FDFT1: variants seen among roughly 807,000 people sequenced by gnomAD.
The protein encoded by FDFT1 is squalene synthase.
FDFT1 carries 68 observed loss-of-function variants against 46.8 expected under a neutral mutation model. That is an observed-to-expected ratio of 1.45 (90% CI 1.19 to 1.78). FDFT1 has a LOEUF of 1.78. FDFT1 is among the 40% of genes most tolerant of loss of function. The pLI, the probability that FDFT1 is intolerant of heterozygous loss-of-function variation, is 0.00. For missense variants in FDFT1, 928 were observed against 524.4 expected, an observed-to-expected ratio of 1.77 and a Z score of -7.52; for synonymous variants, 351 against 185.1, an observed-to-expected ratio of 1.90 and a Z score of -7.28.
chr8:11,818,724 G>A (rs1242128709), intron 3 of FDFT1, among the ~76,000 whole-genome samples: 1 of 151,684 alleles, frequency 6.6e-6, no homozygotes, highest in Non-Finnish European at 1.5e-5. Context: ...TCCTCCAGCT[G>A]TTTATTTTGA....
At chr8:11,797,574 C>A (rs1284669546), upstream of FDFT1, among the ~76,000 whole-genome samples, 1 of 129,832 alleles carries the variant, frequency 7.7e-6, no homozygotes, top group African/African-American at 2.9e-5. Context: ...TGGGAAGATC[C>A]TTAATCCTAG....
In FDFT1 at chr8:11,827,477, C is replaced by A. The variant is rs543086026; in HGVS notation, c.702+1262C>A. ...AGGTTGGATTGAGTTGTAATCACAC[C>A]ACTGCACTCCAGCCTCGGTGGCAGA... On this transcript the variant is annotated intron_variant, in intron 5 of 7. Coordinates refer to ENST00000220584, the MANE Select transcript of FDFT1 (RefSeq NM_004462.5). Among the ~76,000 whole-genome samples the A allele has an allele frequency of 2.2e-3, 327 of 151,036 alleles. 3 individuals are homozygous for A. Among genetic ancestry groups the A allele is most frequent in the African/African-American group, 7.7e-3 (316 of 40,878 alleles).
At chr8:11,826,984 C>G (rs572139077) in intron 5 of FDFT1, among the ~76,000 whole-genome samples, 109 of 152,284 alleles carry the variant, frequency 7.2e-4, no homozygotes, top group Non-Finnish European at 3.8e-4. Flanking sequence ...GGCAGGTAGA[C>G]AAAAACTCCA....
intron 3 of FDFT1, among the ~76,000 whole-genome samples, chr8:11,813,827 T>C (rs1467897306): frequency 1.3e-5 from 2 of 152,166 alleles, no homozygotes; most frequent in Non-Finnish European, 2.9e-5. Context: ...CCTGGCTCAA[T>C]TCACATGTCA....
intron 5 of FDFT1, among the ~76,000 whole-genome samples, chr8:11,828,945 T>C (rs1034773095): frequency 1.2e-4 from 18 of 152,246 alleles, no homozygotes; most frequent in East Asian, 3.8e-4. Flanking sequence ...TTTTTGGCTA[T>C]GGTGAATAGT....
chr8:11,818,331 T>C (rs996794310), intron 3 of FDFT1, among the ~76,000 whole-genome samples: 2 of 152,224 alleles, frequency 1.3e-5, no homozygotes, highest in Admixed American at 6.5e-5. Context: ...GAAGAATGTA[T>C]ATTCTGTTGA....
rs749812596 is a variant in FDFT1 at position 11,830,306 on chromosome 8, C to T, written c.765C>T (p.Ala255=). Residue 255 remains alanine (A), a synonymous_variant, in exon 6 of 8, where the codon GCC becomes GCT. Transcript: ENST00000220584. ...CTAAGCCGGAGAATATTGACTTGGC[C>T]GTGCAGTGCCTGAATGAACTTATAA... The part of the protein sequence containing the change: ...DFAKPENIDL[A]VQCLNELITN... 27 of 1,613,608 alleles carry T rather than the reference C, an allele frequency of 1.7e-5. No individual in the cohort carries two copies. The highest frequency in any genetic ancestry group is 4.0e-5 in the African/African-American group (3 of 74,980).
chr8:11,823,851 C>G (rs1004264077), intron 4 of FDFT1, among the ~76,000 whole-genome samples: 1 of 152,162 alleles, frequency 6.6e-6, no homozygotes, highest in African/African-American at 2.4e-5. Flanking sequence ...TCAAGCAGTC[C>G]TCTCACCTCA....
chr8:11,802,661 G>T (rs892802256), upstream of FDFT1: 3 of 614,106 alleles, frequency 4.9e-6, no homozygotes, highest in Non-Finnish European at 8.6e-6. Context: ...CCCCGCTGGC[G>T]GCCGAGGCCG....
intron 7 of FDFT1, among the ~76,000 whole-genome samples, chr8:11,833,720 A>ATG (rs1380584050): frequency 1.3e-5 from 2 of 152,210 alleles, no homozygotes; most frequent in African/African-American, 4.8e-5. Flanking sequence ...TGCTTTTGCA[A>ATG]TGTGACGGCC....
intron 3 of FDFT1, among the ~76,000 whole-genome samples, chr8:11,813,836 C>G (rs768426074): frequency 2.6e-5 from 4 of 152,180 alleles, no homozygotes; most frequent in African/African-American, 9.7e-5. Flanking sequence ...ATTCACATGT[C>G]ACGGCTTATG....
rs756896439 is a variant in FDFT1 at position 11,830,351 on chromosome 8, C to G, written c.810C>G (p.Ile270Met). 49 of 1,613,668 alleles carry G rather than the reference C, an allele frequency of 3.0e-5. No homozygotes were observed. Among genetic ancestry groups the G allele is most frequent in the Non-Finnish European group, 3.9e-5 (46 of 1,179,754 alleles). ...NELITNALHH[I>M]PDVITYLSRL... ...TTATAACCAATGCACTGCACCACAT[C>G]CCAGATGTCATCACCTACCTTTCGA... The change falls in exon 6 of 8, where the codon ATC (isoleucine) becomes ATG (methionine). Residue 270 changes from isoleucine to methionine, a missense_variant. Coordinates refer to ENST00000220584, the MANE Select transcript of FDFT1 (RefSeq NM_004462.5).
intron 7 of FDFT1, among the ~76,000 whole-genome samples, chr8:11,834,154 G>A (rs932897232): frequency 1.3e-5 from 2 of 152,188 alleles, no homozygotes; most frequent in Non-Finnish European, 2.9e-5. Context: ...GTGTTGTAGC[G>A]AGCATGCACC....
intron 1 of FDFT1, among the ~76,000 whole-genome samples, chr8:11,797,194 C>A (rs957464449): frequency 6.6e-6 from 1 of 152,178 alleles, no homozygotes; most frequent in Non-Finnish European, 1.5e-5. Context: ...TCAATTTGGT[C>A]GGCTGTCTGA....
At chr8:11,827,836 T>C (rs1810213603) in intron 5 of FDFT1, among the ~76,000 whole-genome samples, 1 of 151,248 alleles carries the variant, frequency 6.6e-6, no homozygotes, top group Non-Finnish European at 1.5e-5. Context: ...AGCCAGGATA[T>C]CGAGACCAGC....
At chr8:11,838,270 C>T (rs1170351935) in intron 7 of FDFT1, 118 bp from the exon 8 acceptor site, 4 of 766,366 alleles carry the variant, frequency 5.2e-6, no homozygotes, top group East Asian at 2.7e-5. Context: ...TTCTCTGAGC[C>T]TCCCTTTCCT....
At chr8:11,813,462 G>GT (rs1221782575) in intron 3 of FDFT1, among the ~76,000 whole-genome samples, 3 of 152,138 alleles carry the variant, frequency 2.0e-5, no homozygotes, top group Non-Finnish European at 1.5e-5. Flanking sequence ...ATAATGTACT[G>GT]TTATCTACAT....
At chr8:11,836,968 G>C (rs1056569905) in intron 7 of FDFT1, among the ~76,000 whole-genome samples, 10 of 152,268 alleles carry the variant, frequency 6.6e-5, no homozygotes. Context: ...GTGCGGTGTA[G>C]TCAGGGTGAA....
chr8:11,836,771 C>T (rs908722070), intron 7 of FDFT1, among the ~76,000 whole-genome samples: 11 of 152,210 alleles, frequency 7.2e-5, no homozygotes, highest in Non-Finnish European at 1.2e-4. Flanking sequence ...TGGAGTGGCT[C>T]ACGCCTGTAA....
Sources: allele counts gnomAD v4.1 joint callset (sites outside exome capture counted in the v4.1 genomes callset), GRCh38; gene constraint gnomAD v4.1.1; transcripts MANE v1.5; gene names NCBI Gene and HGNC (gene_info 2026-07-23, HGNC 2026-07-21).